CYRIA: variants seen among roughly 807,000 people sequenced by gnomAD.
The protein encoded by CYRIA is CYFIP-related Rac1 interactor A.
In CYRIA, 15 loss-of-function variants were observed where a neutral mutation model predicts 43.9. The ratio of observed to expected loss-of-function variants is 0.34; its 90% CI spans 0.23 to 0.53. The LOEUF is 0.53. Ranked by LOEUF, CYRIA falls within the 20% of genes least tolerant of loss-of-function variation. The probability of loss-of-function intolerance (pLI) is 0.94; values close to 1 mark genes in which losing one functional copy is unlikely to be tolerated. For synonymous variants in CYRIA, 117 were observed against 136.0 expected, an observed-to-expected ratio of 0.86 and a Z score of 0.97; for missense variants, 236 against 394.2, an observed-to-expected ratio of 0.60 and a Z score of 3.40.
At chr2:16,584,456 C>A (rs1318174102) in intron 3 of CYRIA, among the ~76,000 whole-genome samples, 4 of 152,188 alleles carry the variant, frequency 2.6e-5, no homozygotes, top group Non-Finnish European at 4.4e-5. Context: ...AGTCTGACCT[C>A]TCTCATGGAT....
At chr2:16,566,427 G>A (rs1666934855) in intron 3 of CYRIA, among the ~76,000 whole-genome samples, 2 of 152,150 alleles carry the variant, frequency 1.3e-5, no homozygotes, top group Admixed American at 6.5e-5. Context: ...TTAAAAATAT[G>A]CTTAAAAACT....
At chr2:16,603,865 C>A (rs1040673371) in intron 2 of CYRIA, among the ~76,000 whole-genome samples, 6 of 152,298 alleles carry the variant, frequency 3.9e-5, no homozygotes, top group Admixed American at 2.0e-4. Context: ...ACGTCATGAG[C>A]CTTTCAGAAA....
intron 1 of CYRIA, among the ~76,000 whole-genome samples, chr2:16,625,396 G>C (rs944855696): frequency 6.6e-6 from 1 of 151,866 alleles, no homozygotes; most frequent in South Asian, 2.1e-4. Flanking sequence ...GGTGGAGAAA[G>C]AGGAAGAAAA....
At chr2:16,626,969 T>C (rs1314918468) in intron 1 of CYRIA, among the ~76,000 whole-genome samples, 1 of 152,202 alleles carries the variant, frequency 6.6e-6, no homozygotes, top group African/African-American at 2.4e-5. Flanking sequence ...TGAGGGGTAA[T>C]CACCCCAGTT....
chr2:16,623,294 G>T (rs1433395053), intron 2 of CYRIA, among the ~76,000 whole-genome samples: 2 of 152,210 alleles, frequency 1.3e-5, no homozygotes, highest in Non-Finnish European at 2.9e-5. Flanking sequence ...AAGAAGGAAA[G>T]GATCCATAAG....
chr2:16,593,698 GTTTTTTTTTGTGTGTGTGTGT>G (rs1668008156), intron 2 of CYRIA, among the ~76,000 whole-genome samples: 3 of 81,970 alleles, frequency 3.7e-5, no homozygotes, highest in Non-Finnish European at 8.2e-5. Context: ...GTGTGTGTGT[GTTTTTTTTTGTGTGTGTGTGT>G]TTTTTTTTTT....
chr2:16,605,048 T>C (rs550722184), intron 2 of CYRIA, among the ~76,000 whole-genome samples: 223 of 152,178 alleles, frequency 1.5e-3, no homozygotes, highest in African/African-American at 5.2e-3. Context: ...AATACCATGG[T>C]GTCCCTCAAA....
At chr2:16,633,543 CTTTTTTTT>C (rs755223919) in intron 1 of CYRIA, among the ~76,000 whole-genome samples, 1 of 92,320 alleles carries the variant, frequency 1.1e-5, no homozygotes, top group Non-Finnish European at 2.2e-5. Context: ...CTATCCCTGG[CTTTTTTTT>C]TTTTTTTTTT....
rs530210900 is a variant in CYRIA at position 16,654,165 on chromosome 2, A to C, written c.-167+11615T>G. Among the ~76,000 whole-genome samples the C allele has an allele frequency of 3.3e-5, 5 of 152,218 alleles. No homozygotes were observed. The South Asian group carries it at 1.0e-3, about 32-fold the overall frequency. On this transcript the variant is annotated intron_variant, in intron 1 of 11. Coordinates refer to ENST00000381323, the MANE Select transcript of CYRIA (RefSeq NM_030797.4). Reference sequence around the variant, plus strand: ...GGCAAAACCCCAAGCGCTCTATAAAACTGCAGCCTGTGAATCACTGATTCA... The same window carrying C: ...GGCAAAACCCCAAGCGCTCTATAAACCTGCAGCCTGTGAATCACTGATTCA...
intron 1 of CYRIA, among the ~76,000 whole-genome samples, chr2:16,637,104 G>A (rs560400056): frequency 8.6e-5 from 13 of 152,030 alleles, no homozygotes; most frequent in African/African-American, 3.1e-4. Context: ...TCCCAGCACA[G>A]TGGATCTTGT....
At chr2:16,648,452 C>T (rs897025908) in intron 1 of CYRIA, among the ~76,000 whole-genome samples, 13 of 152,172 alleles carry the variant, frequency 8.5e-5, no homozygotes, top group African/African-American at 3.1e-4. Context: ...ATCAACAATG[C>T]TGGGGACCTT....
At chr2:16,613,013 C>A (rs1668658615) in intron 2 of CYRIA, among the ~76,000 whole-genome samples, 1 of 152,176 alleles carries the variant, frequency 6.6e-6, no homozygotes, top group South Asian at 2.1e-4. Flanking sequence ...TAAGATGTGA[C>A]TTTGCTCCTC....
At chr2:16,656,494 A>T (rs1303676381) in intron 1 of CYRIA, among the ~76,000 whole-genome samples, 1 of 152,136 alleles carries the variant, frequency 6.6e-6, no homozygotes, top group Non-Finnish European at 1.5e-5. Context: ...TAGTCTATGC[A>T]AACCAAAGGC....
intron 2 of CYRIA, among the ~76,000 whole-genome samples, chr2:16,611,588 C>T (rs1247503073): frequency 6.6e-6 from 1 of 152,062 alleles, no homozygotes; most frequent in African/African-American, 2.4e-5. Flanking sequence ...GAGGAGGTGC[C>T]TCATCTGGAC....
intron 1 of CYRIA, among the ~76,000 whole-genome samples, chr2:16,651,269 G>A (rs1669968937): frequency 6.6e-6 from 1 of 152,150 alleles, no homozygotes; most frequent in Non-Finnish European, 1.5e-5. Context: ...CCTCGTACCT[G>A]GAGCAACAAT....
intron 1 of CYRIA, among the ~76,000 whole-genome samples, chr2:16,660,530 C>G (rs534367444): frequency 7.0e-4 from 107 of 152,340 alleles, no homozygotes; most frequent in African/African-American, 2.5e-3. Flanking sequence ...TCCCCTGATT[C>G]TCCCATGGAG....
At chr2:16,660,833 C>T (rs565366580) in intron 1 of CYRIA, among the ~76,000 whole-genome samples, 8 of 152,282 alleles carry the variant, frequency 5.3e-5, no homozygotes, top group South Asian at 2.1e-4. Flanking sequence ...CTGTCTGCAG[C>T]GCTAAGCTGG....
At chr2:16,632,862 G>T (rs1349664122) in intron 1 of CYRIA, among the ~76,000 whole-genome samples, 1 of 152,140 alleles carries the variant, frequency 6.6e-6, no homozygotes, top group Non-Finnish European at 1.5e-5. Context: ...GTGAGGCAAA[G>T]CAGGGGTCAT....
chr2:16,561,237 C>T lies in CYRIA; in HGVS notation c.554G>A (p.Arg185Gln), dbSNP rs267598964. 14 of 1,613,566 alleles carry T rather than the reference C, an allele frequency of 8.7e-6. No homozygotes were observed. The highest frequency in any genetic ancestry group is 7.6e-6 in the Non-Finnish European group (9 of 1,179,692). The change falls in exon 8 of 12, where the codon CGA (arginine) becomes CAA (glutamine). Residue 185 changes from arginine (R) to glutamine (Q), a missense_variant. By Grantham distance (43) the Arg-to-Gln change is conservative (BLOSUM62 1). Coordinates refer to ENST00000381323, the MANE Select transcript of CYRIA (RefSeq NM_030797.4). The part of the protein sequence containing the change: ...ENEVNNEMAN[R>Q]MSLFYAEATP... ...GGCTTCTGCATAGAAGAGGGACATT[C>T]GATTGGCCATCTCATTATTGACTTC...
Sources: allele counts gnomAD v4.1 joint callset (sites outside exome capture counted in the v4.1 genomes callset), GRCh38; gene constraint gnomAD v4.1.1; transcripts MANE v1.5; gene names NCBI Gene and HGNC (gene_info 2026-07-23, HGNC 2026-07-21).